Variants in DLGAP2 observed in about 807,000 individuals in gnomAD.
The protein encoded by DLGAP2 is DLG associated protein 2.
Under a neutral mutation model 100.3 loss-of-function variants are expected in DLGAP2, and 26 were observed. That is an observed-to-expected ratio of 0.26 (90% CI 0.19 to 0.36). The LOEUF is 0.36. Among genes scored for constraint, DLGAP2 ranks in the 10% least tolerant of loss-of-function variants. The pLI, the probability that DLGAP2 is intolerant of heterozygous loss-of-function variation, is 1.00. For synonymous variants in DLGAP2, 886 were observed against 630.1 expected (o/e 1.41, Z -6.08); for missense variants, 1,858 against 1,453.2 (o/e 1.28, Z -4.53).
chr8:989,980 T>G (rs977506528), intron 2 of DLGAP2, among the ~76,000 whole-genome samples: 1 of 152,088 alleles, frequency 6.6e-6, no homozygotes, highest in African/African-American at 2.4e-5. Context: ...GAGGAACGTA[T>G]TCCTCAGAAA....
chr8:1,300,681 C>T (rs569348487), intron 3 of DLGAP2: 12 of 152,306 alleles, frequency 7.9e-5, no homozygotes, highest in African/African-American at 2.9e-4. Flanking sequence ...GCTTCCTGGA[C>T]GTCGGCCTAG....
At chr8:1,096,484 G>C (rs866098077) in intron 2 of DLGAP2, among the ~76,000 whole-genome samples, 1 of 151,414 alleles carries the variant, frequency 6.6e-6, no homozygotes, top group South Asian at 2.1e-4. Flanking sequence ...CTGTGCTCCA[G>C]AGTCGAGGGA....
At chr8:1,668,005 C>T (rs1363162529) in intron 8 of DLGAP2, among the ~76,000 whole-genome samples, 5 of 152,258 alleles carry the variant, frequency 3.3e-5, no homozygotes, top group African/African-American at 9.6e-5. Flanking sequence ...CCTGAGGGGA[C>T]GCACGTTGCC....
rs367781880 is a variant in DLGAP2, at chr8:1,144,700, A to G, written c.74-114151A>G. On this transcript the variant is annotated intron_variant, in intron 2 of 14. Transcript: ENST00000637795. ...GAATACAGGCCCTGTCTGCAGTTTT[A>G]CTTTTGGCTGAAGTAGCCCATGCTC... Among the ~76,000 whole-genome samples the G allele has an allele frequency of 1.1e-4, 16 of 152,340 alleles. No homozygotes were observed. In the East Asian group the frequency reaches 2.9e-3, roughly 28 times the overall value.
intron 2 of DLGAP2, among the ~76,000 whole-genome samples, chr8:1,110,577 C>A (rs1472474476): frequency 6.6e-6 from 1 of 151,966 alleles, no homozygotes; most frequent in Admixed American, 6.6e-5. Context: ...GTGAAGTGTG[C>A]ATGGGTCTTC....
At chr8:1,009,705 A>G (rs1584970622) in intron 2 of DLGAP2, among the ~76,000 whole-genome samples, 1 of 152,186 alleles carries the variant, frequency 6.6e-6, no homozygotes, top group African/African-American at 2.4e-5. Flanking sequence ...CAGAAATGGA[A>G]CCTTTTCCTT....
At chr8:924,659 T>A (rs1798777538) in intron 2 of DLGAP2, among the ~76,000 whole-genome samples, 1 of 152,058 alleles carries the variant, frequency 6.6e-6, no homozygotes, top group African/African-American at 2.4e-5. Flanking sequence ...CTCTGGTCAC[T>A]GCAACCTCCA....
At chr8:847,442 A>T (rs1404456347) in intron 1 of DLGAP2, among the ~76,000 whole-genome samples, 1 of 152,010 alleles carries the variant, frequency 6.6e-6, no homozygotes, top group East Asian at 1.9e-4. Context: ...TTTTTCATGT[A>T]ACTCTGACCA....
rs146329078 is a variant in DLGAP2 at position 1,071,333 on chromosome 8, G to A, written c.73+163367G>A. On this transcript the variant is annotated intron_variant, in intron 2 of 14. Coordinates refer to ENST00000637795, the MANE Select transcript of DLGAP2 (RefSeq NM_001346810.2). ...AATGCCTGAAATAACCACTTCGGCC[G>A]CCTCCACGGTGCTTGACTTTCAAGG... 1.1e-4 allele frequency among the ~76,000 whole-genome samples: 17 copies of A among 152,298 alleles called. No homozygotes were observed. In the South Asian group the frequency reaches 1.2e-3, roughly 11 times the overall value.
At chr8:1,074,870 T>C (rs1172725480) in intron 2 of DLGAP2, among the ~76,000 whole-genome samples, 2 of 152,192 alleles carry the variant, frequency 1.3e-5, no homozygotes, top group African/African-American at 4.8e-5. Flanking sequence ...CACTGGGTCA[T>C]CACCAGCAGG....
intron 2 of DLGAP2, among the ~76,000 whole-genome samples, chr8:1,093,869 G>C (rs968332527): frequency 2.0e-5 from 3 of 152,270 alleles, no homozygotes; most frequent in African/African-American, 7.2e-5. Context: ...GGGTCTCAAA[G>C]GTGACGATGG....
rs116339682 is a variant in DLGAP2 at position 749,571 on chromosome 8, C to G, written c.18+11746C>G. 1.2e-3 allele frequency among the ~76,000 whole-genome samples: 176 copies of G among 152,202 alleles called. 1 individual carries two copies. Among genetic ancestry groups the G allele is most frequent in the African/African-American group, 4.1e-3 (171 of 41,506 alleles). ...GTTCCCGTATGGAGTGTGATTAAAA[C>G]TTTCCCCTATTGTTTGACATTTCAG... On this transcript the variant is annotated intron_variant, in intron 1 of 14. Coordinates refer to ENST00000637795, the MANE Select transcript of DLGAP2 (RefSeq NM_001346810.2).
At chr8:1,673,839 A>G (rs1200867508) in intron 10 of DLGAP2, among the ~76,000 whole-genome samples, 3 of 152,222 alleles carry the variant, frequency 2.0e-5, no homozygotes, top group African/African-American at 7.2e-5. Context: ...AAAAAATAAC[A>G]AAAATATATT....
chr8:1,422,511 C>T (rs150437653), intron 3 of DLGAP2, among the ~76,000 whole-genome samples: 1 of 149,252 alleles, frequency 6.7e-6, no homozygotes, highest in Admixed American at 6.7e-5. Context: ...AAATCTGCGT[C>T]TTGATCCCAT....
chr8:903,367 A>G (rs1798301886), intron 1 of DLGAP2, among the ~76,000 whole-genome samples: 2 of 151,900 alleles, frequency 1.3e-5, no homozygotes, highest in African/African-American at 4.8e-5. Context: ...ATAACTGCAG[A>G]GCCCCCCGGG....
chr8:1,637,482 G>A (rs1012525455), intron 8 of DLGAP2, among the ~76,000 whole-genome samples: 1 of 151,890 alleles, frequency 6.6e-6, no homozygotes, highest in Non-Finnish European at 1.5e-5. Context: ...TGCACTGCGA[G>A]GACCAGCCTG....
chr8:828,903 A>G (rs1166293429), intron 1 of DLGAP2, among the ~76,000 whole-genome samples: 2 of 152,200 alleles, frequency 1.3e-5, no homozygotes, highest in Non-Finnish European at 2.9e-5. Context: ...CAGGGTCTAT[A>G]TGTAATGGAT....
chr8:1,628,976 C>T (rs893873767), intron 7 of DLGAP2, among the ~76,000 whole-genome samples: 7 of 152,214 alleles, frequency 4.6e-5, no homozygotes, highest in Non-Finnish European at 1.0e-4. Context: ...ACTGAGCACT[C>T]AAAAATGATA....
At position 1,678,390 on chromosome 8, in the gene DLGAP2, G is replaced by A. The variant is rs765947691; in HGVS notation, c.2465G>A (p.Arg822Gln). ...CAGTACAGCGCGGTGAGAACTGTAC[G>A]GACCCAGGGGCTCTTCAGCTATAGA... ...PTQYSAVRTV[R>Q]TQGLFSYRED... is the part of the protein sequence containing the mutation. Residue 822 changes from arginine (R) to glutamine (Q), a missense_variant, in exon 12 of 15, where the codon CGG becomes CAG. Physicochemically the swap from Arg to Gln is conservative, Grantham distance 43. Transcript: ENST00000637795. 68 of 1,613,700 alleles carry A rather than the reference G, an allele frequency of 4.2e-5. No homozygotes were observed. The highest frequency in any genetic ancestry group is 3.9e-5 in the Non-Finnish European group (46 of 1,179,812).
Sources: gnomAD v4.1 joint callset for allele counts (sites outside exome capture counted in the v4.1 genomes callset) on GRCh38, gnomAD v4.1.1 for gene constraint, MANE v1.5 for transcripts, NCBI Gene and HGNC (gene_info 2026-07-23, HGNC 2026-07-21) for gene names.